Variants in CPB2 observed in about 807,000 individuals in gnomAD.
CPB2 encodes the protein carboxypeptidase B2.
A neutral mutation model predicts 57.0 loss-of-function variants in CPB2; 54 were observed. The observed-to-expected ratio is 0.95, with a 90% CI of 0.76 to 1.19. The LOEUF is 1.19. CPB2 is among the 50% of genes most tolerant of loss of function. CPB2 has a pLI of 0.00. For synonymous variants in CPB2, 189 were observed against 178.1 expected, an observed-to-expected ratio of 1.06 and a Z score of -0.49; for missense variants, 426 against 512.0, an observed-to-expected ratio of 0.83 and a Z score of 1.62.
chr13:46,064,773 G>A, intron 7 of CPB2, 32 bp from the exon 8 acceptor site: 1 of 1,577,782 alleles, frequency 6.3e-7, no homozygotes, highest in Non-Finnish European at 8.7e-7. Flanking sequence ...AGACAACCTG[G>A]GTAGCCACGT....
At position 46,073,965 on chromosome 13, in the gene CPB2, CT is replaced by C; in HGVS notation, c.498del (p.Glu167AsnfsTer29). The C allele has an allele frequency of 1.3e-6, 2 of 1,580,130 alleles. No homozygotes were observed. Among genetic ancestry groups the C allele is most frequent in the Non-Finnish European group, 1.7e-6 (2 of 1,153,798 alleles). On this transcript the variant is annotated frameshift_variant, in exon 6 of 11. Transcript: ENST00000181383. LOFTEE classifies it high-confidence loss of function. Reference sequence around the variant, plus strand: ...CATATGGCATTTTTGGCTGCTTGTTCTTTTCCAGAAACCTGCTCAAAGAAAC... The same window carrying C: ...CATATGGCATTTTTGGCTGCTTGTTCTTTCCAGAAACCTGCTCAAAGAAAC... ...YPLYVLKVSG[K>X]EQAAKNAIWI...
At chr13:46,096,315 C>T (rs1231508975) in intron 1 of CPB2, 4 of 152,918 alleles carry the variant, frequency 2.6e-5, no homozygotes, top group Non-Finnish European at 5.8e-5. Context: ...CTCTCCCAGC[C>T]TCCTCCAGCC....
intron 1 of CPB2, among the ~76,000 whole-genome samples, chr13:46,094,509 G>A (rs1439848709): frequency 1.3e-5 from 2 of 152,228 alleles, no homozygotes; most frequent in Non-Finnish European, 1.5e-5. Context: ...AGATCCTGAG[G>A]GCTAACTACA....
chr13:46,095,834 C>CA, intron 1 of CPB2, among the ~76,000 whole-genome samples: 1 of 144,884 alleles, frequency 6.9e-6, no homozygotes, highest in Non-Finnish European at 1.5e-5. Flanking sequence ...GCTCTTTCTA[C>CA]AAAACTGGAA....
At chr13:46,053,853 A>G in intron 10 of CPB2, 55 bp from the exon 11 acceptor site, 2 of 1,516,114 alleles carry the variant, frequency 1.3e-6, no homozygotes, top group African/African-American at 1.4e-5. Context: ...TTAATTTACA[A>G]ACTGGGAATT....
chr13:46,077,242 C>A (rs2045035923), intron 5 of CPB2, among the ~76,000 whole-genome samples: 1 of 151,994 alleles, frequency 6.6e-6, no homozygotes, highest in Non-Finnish European at 1.5e-5. Flanking sequence ...AACAAATAAT[C>A]CAATTTTAAA....
Position 46,104,931 on chromosome 13 carries a change from G to T in CPB2, c.74+5C>A. On this transcript the variant is annotated splice_donor_5th_base_variant and intron_variant, in intron 1 of 10. Transcript: ENST00000181383. ...CCACCACAGTCTAAGATTCTATTGG[G>T]TTACCTCTGAAACGCGAAGACATGC... 1 of 1,613,888 alleles carries T rather than the reference G, an allele frequency of 6.2e-7. No individual in the cohort carries two copies. The highest frequency in any genetic ancestry group is 8.5e-7 in the Non-Finnish European group (1 of 1,179,850).
chr13:46,092,734 A>C (rs1297819631), intron 1 of CPB2, among the ~76,000 whole-genome samples: 1 of 152,160 alleles, frequency 6.6e-6, no homozygotes, highest in Admixed American at 6.5e-5. Context: ...AAAGCAAGAG[A>C]AGAATGGGAG....
At chr13:46,079,977 C>T (rs926084676) in intron 4 of CPB2, among the ~76,000 whole-genome samples, 1 of 152,174 alleles carries the variant, frequency 6.6e-6, no homozygotes. Context: ...ATTGAATCTC[C>T]ATTTCCTGTG....
Position 46,058,339 on chromosome 13 carries a change from C to T in CPB2, c.839G>A (p.Gly280Glu). ...TTCTGGTTCTGACTCAGGATAAAGT[C>T]CACAGTAGGTTTCCGAGCATGAGGA... is the stretch of plus-strand genomic sequence containing the variant. ...SSSSCSETYC[G>E]LYPESEPEVK... The change falls in exon 9 of 11, where the codon GGA (glycine) becomes GAA (glutamate). Residue 280 changes from glycine (G) to glutamate (E), a missense_variant. Physicochemically the swap from Gly to Glu is moderately conservative, Grantham distance 98. Transcript: ENST00000181383. The T allele has an allele frequency of 1.2e-6, 2 of 1,614,060 alleles. No homozygotes were observed. Among genetic ancestry groups the T allele is most frequent in the South Asian group, 1.1e-5 (1 of 91,082 alleles).
intron 4 of CPB2, among the ~76,000 whole-genome samples, chr13:46,079,325 A>T (rs895597980): frequency 1.3e-5 from 2 of 152,162 alleles, no homozygotes; most frequent in Non-Finnish European, 2.9e-5. Flanking sequence ...TTCATGCAGG[A>T]TAAATGGAAG....
chr13:46,057,964 G>C (rs11574992), intron 9 of CPB2, among the ~76,000 whole-genome samples: 1,856 of 58,824 alleles, frequency 0.032, 15 homozygotes, highest in South Asian at 0.096. Flanking sequence ...AAGCCCACGT[G>C]CTGAATAAAG....
intron 6 of CPB2, among the ~76,000 whole-genome samples, chr13:46,072,025 C>T (rs2044950325): frequency 6.6e-6 from 1 of 152,186 alleles, no homozygotes; most frequent in Non-Finnish European, 1.5e-5. Flanking sequence ...TGTGCCAGCC[C>T]TGTGCCGGAT....
chr13:46,059,120 C>T (rs532300917), intron 8 of CPB2, among the ~76,000 whole-genome samples: 1 of 152,212 alleles, frequency 6.6e-6, no homozygotes, highest in Non-Finnish European at 1.5e-5. Flanking sequence ...GAAATCAATA[C>T]TAAGAGTCTA....
chr13:46,084,016 G>A (rs2045159798), intron 3 of CPB2, among the ~76,000 whole-genome samples: 1 of 152,204 alleles, frequency 6.6e-6, no homozygotes, highest in East Asian at 1.9e-4. Context: ...AAGGGACGGA[G>A]GTCATGAGGG....
chr13:46,054,567 G>T (rs927055716), intron 10 of CPB2, among the ~76,000 whole-genome samples: 3 of 151,344 alleles, frequency 2.0e-5, no homozygotes, highest in Admixed American at 6.6e-5. Context: ...GACTTTTTTT[G>T]GGGGGGTGCT....
At chr13:46,092,159 T>G (rs1299253689) in intron 1 of CPB2, among the ~76,000 whole-genome samples, 2 of 152,218 alleles carry the variant, frequency 1.3e-5, no homozygotes, top group Non-Finnish European at 2.9e-5. Flanking sequence ...AAACTAATCT[T>G]AGACTTTGCT....
intron 1 of CPB2, among the ~76,000 whole-genome samples, chr13:46,092,973 C>T (rs2045314835): frequency 1.3e-5 from 2 of 152,076 alleles, no homozygotes; most frequent in Non-Finnish European, 2.9e-5. Context: ...AGTGCAATGG[C>T]GTGATCTTGG....
intron 1 of CPB2, among the ~76,000 whole-genome samples, chr13:46,088,651 C>G (rs1002857043): frequency 6.6e-6 from 1 of 152,140 alleles, no homozygotes; most frequent in Non-Finnish European, 1.5e-5. Context: ...GTTGTTCTTC[C>G]TCCTTGCCAA....
Sources: gnomAD v4.1 joint callset for allele counts (sites outside exome capture counted in the v4.1 genomes callset) on GRCh38, gnomAD v4.1.1 for gene constraint, MANE v1.5 for transcripts, NCBI Gene and HGNC (gene_info 2026-07-23, HGNC 2026-07-21) for gene names.